Variants in TRPM3 observed in about 807,000 individuals in gnomAD.
The protein encoded by TRPM3 is long transient receptor potential channel 3.
Under a neutral mutation model 181.2 loss-of-function variants are expected in TRPM3, and 77 were observed. The ratio of observed to expected loss-of-function variants is 0.42; its 90% CI spans 0.35 to 0.51. The LOEUF is 0.51. TRPM3 is among the 20% of genes least tolerant of loss of function. The pLI is 0.01. For missense variants in TRPM3, 1,759 were observed against 2,196.7 expected, an observed-to-expected ratio of 0.80 and a Z score of 3.98; for synonymous variants, 745 against 796.4, an observed-to-expected ratio of 0.94 and a Z score of 1.09.
chr9:70,807,721 G>C (rs2091010931), intron 6 of TRPM3, among the ~76,000 whole-genome samples: 1 of 152,148 alleles, frequency 6.6e-6, no homozygotes, highest in Non-Finnish European at 1.5e-5. Context: ...GAAGGCAGAT[G>C]GGAGACTATG....
intron 1 of TRPM3, among the ~76,000 whole-genome samples, chr9:71,133,311 T>TTTTTTTTTTTTTTTTTTTA (rs55960906): frequency 8.0e-6 from 1 of 125,546 alleles, no homozygotes; most frequent in African/African-American, 2.6e-5. Context: ...TTTTTTTTTT[T>TTTTTTTTTTTTTTTTTTTA]GAGACAGAGT....
intron 1 of TRPM3, among the ~76,000 whole-genome samples, chr9:71,180,050 C>CTTTTTTTTT (rs35877663): frequency 0.011 from 1,091 of 101,094 alleles, 25 homozygotes; most frequent in East Asian, 0.014. Flanking sequence ...ATACATCCTT[C>CTTTTTTTTT]TTTTTTTTTT....
chr9:70,802,144 A>G (rs1415183160), intron 6 of TRPM3, among the ~76,000 whole-genome samples: 1 of 150,880 alleles, frequency 6.6e-6, no homozygotes, highest in African/African-American at 2.5e-5. Flanking sequence ...CTGCAGGGAA[A>G]GGAGATTTTT....
intron 1 of TRPM3, among the ~76,000 whole-genome samples, chr9:71,021,399 T>C (rs2097846340): frequency 6.6e-6 from 1 of 152,186 alleles, no homozygotes; most frequent in Non-Finnish European, 1.5e-5. Flanking sequence ...AAAAAGTGTG[T>C]TAACTCAAGT....
intron 25 of TRPM3, among the ~76,000 whole-genome samples, chr9:70,539,752 A>G (rs1435457169): frequency 6.6e-6 from 1 of 152,194 alleles, no homozygotes; most frequent in African/African-American, 2.4e-5. Flanking sequence ...TAGACTTGGA[A>G]TTACTTTTTC....
intron 1 of TRPM3, among the ~76,000 whole-genome samples, chr9:71,239,170 C>T (rs2081528150): frequency 6.6e-6 from 1 of 152,104 alleles, no homozygotes; most frequent in Non-Finnish European, 1.5e-5. Flanking sequence ...AATTTAGCAA[C>T]ATTAATACAT....
rs182918498 is a variant in TRPM3, at chr9:70,941,245, G to A, written c.178-76734C>T. ...CTACCAGCATGGCTAGCATAAAGCA[G>A]GCAGGAGAAGACGGAAGAGCAGACT... On this transcript the variant is annotated intron_variant, in intron 1 of 25. Coordinates refer to ENST00000677713, the MANE Select transcript of TRPM3 (RefSeq NM_001366145.2). Among the ~76,000 whole-genome samples the A allele has an allele frequency of 2.2e-3, 331 of 152,316 alleles. 1 individual carries two copies. The highest frequency in any genetic ancestry group is 7.7e-3 in the African/African-American group (319 of 41,584).
intron 22 of TRPM3, among the ~76,000 whole-genome samples, chr9:70,556,434 G>A (rs751833014): frequency 6.6e-6 from 1 of 151,960 alleles, no homozygotes. Context: ...TTCAAACCCC[G>A]ACTCTGGCTG....
intron 9 of TRPM3, among the ~76,000 whole-genome samples, chr9:70,655,410 A>G (rs1001319189): frequency 6.6e-6 from 1 of 151,138 alleles, no homozygotes; most frequent in Non-Finnish European, 1.5e-5. Flanking sequence ...CCTGCAAACT[A>G]TGGAGTTCCT....
chr9:70,749,269 T>G (rs2075721408), intron 8 of TRPM3, among the ~76,000 whole-genome samples: 1 of 152,192 alleles, frequency 6.6e-6, no homozygotes, highest in African/African-American at 2.4e-5. Context: ...CAATGTTTGC[T>G]TCTTGATTTT....
chr9:70,863,494 TGAG>T (rs1452442552), intron 2 of TRPM3, among the ~76,000 whole-genome samples: 2 of 152,114 alleles, frequency 1.3e-5, no homozygotes, highest in Non-Finnish European at 2.9e-5. Flanking sequence ...TGAAGAGCTT[TGAG>T]GAGGAGAAGT....
At chr9:71,329,738 C>T (rs139639049) in intron 1 of TRPM3, among the ~76,000 whole-genome samples, 94 of 152,146 alleles carry the variant, frequency 6.2e-4, no homozygotes, top group African/African-American at 2.1e-3. Context: ...CATCCTTTAT[C>T]CTGAAGAAAA....
chr9:70,591,146 G>T lies in TRPM3; in HGVS notation c.3108C>A (p.Val1036=), dbSNP rs746225465. The T allele has an allele frequency of 5.0e-6, 8 of 1,613,940 alleles. No homozygotes were observed. The highest frequency in any genetic ancestry group is 2.7e-5 in the African/African-American group (2 of 74,900). ...IMLVVLMSFG[V]ARQAILFPNE... is the part of the protein sequence containing the mutation. ...TGGGAAAAAGGATGGCTTGCCTGGCGACCCCAAAGCTCATCAGAACCACCA... is the reference window on the plus strand; with the variant it reads ...TGGGAAAAAGGATGGCTTGCCTGGCTACCCCAAAGCTCATCAGAACCACCA... Residue 1036 remains valine, a synonymous_variant, in exon 22 of 26, where the codon GTC becomes GTA. Transcript: ENST00000677713.
chr9:70,857,103 C>A (rs995088027), intron 3 of TRPM3, among the ~76,000 whole-genome samples: 1 of 152,112 alleles, frequency 6.6e-6, no homozygotes, highest in Admixed American at 6.6e-5. Context: ...AATGCCTAAA[C>A]CAGAGCTTTT....
chr9:71,047,290 AAT>A (rs771346010), intron 1 of TRPM3, among the ~76,000 whole-genome samples: 3 of 152,200 alleles, frequency 2.0e-5, no homozygotes, highest in Non-Finnish European at 4.4e-5. Flanking sequence ...ATGTATAATA[AAT>A]AGAGTATAGT....
chr9:71,073,304 A>G (rs1162596627), intron 1 of TRPM3, among the ~76,000 whole-genome samples: 1 of 152,208 alleles, frequency 6.6e-6, no homozygotes, highest in Non-Finnish European at 1.5e-5. Flanking sequence ...CCTAAATTTG[A>G]GCCAAAGTCT....
intron 1 of TRPM3, among the ~76,000 whole-genome samples, chr9:71,177,691 A>T (rs2077180547): frequency 6.6e-6 from 1 of 152,094 alleles, no homozygotes; most frequent in South Asian, 2.1e-4. Flanking sequence ...AATATTCTAA[A>T]TATTCTAAAA....
At chr9:70,865,752 G>A (rs2095637050) in intron 1 of TRPM3, among the ~76,000 whole-genome samples, 1 of 152,036 alleles carries the variant, frequency 6.6e-6, no homozygotes, top group African/African-American at 2.4e-5. Flanking sequence ...TCGTGACAGT[G>A]CACATTTTAC....
intron 6 of TRPM3, among the ~76,000 whole-genome samples, chr9:70,791,900 G>C (rs921675973): frequency 4.6e-5 from 7 of 152,116 alleles, no homozygotes; most frequent in African/African-American, 1.7e-4. Context: ...CAGCAATCCT[G>C]TATTAATGCC....
Sources: gnomAD v4.1 joint callset for allele counts (sites outside exome capture counted in the v4.1 genomes callset) on GRCh38, gnomAD v4.1.1 for gene constraint, MANE v1.5 for transcripts, NCBI Gene and HGNC (gene_info 2026-07-23, HGNC 2026-07-21) for gene names.